GIGYF2: variants seen among roughly 807,000 people sequenced by gnomAD.
GIGYF2 encodes GRB10-interacting GYF protein 2.
Under a neutral mutation model 208.1 loss-of-function variants are expected in GIGYF2, and 25 were observed. That is an observed-to-expected ratio of 0.12 (90% CI 0.09 to 0.17). The LOEUF is 0.17. GIGYF2 is among the 10% of genes least tolerant of loss of function. GIGYF2 has a pLI of 1.00. For missense variants in GIGYF2, 1,302 were observed against 1,579.4 expected (o/e 0.82, Z 2.98); for synonymous variants, 534 against 543.8 (o/e 0.98, Z 0.25).
chr2:232,843,779 AGTGT>A (rs1275548191), intron 23 of GIGYF2, among the ~76,000 whole-genome samples: 1 of 152,184 alleles, frequency 6.6e-6, no homozygotes, highest in African/African-American at 2.4e-5. Flanking sequence ...GTGGGCTGAG[AGTGT>A]GCCACTGCAC....
At chr2:232,706,773 C>G (rs1404183766) in intron 2 of GIGYF2, among the ~76,000 whole-genome samples, 1 of 151,624 alleles carries the variant, frequency 6.6e-6, no homozygotes, top group Non-Finnish European at 1.5e-5. Context: ...GAGCAAGACT[C>G]TGTCTCAAAA....
intron 2 of GIGYF2, among the ~76,000 whole-genome samples, chr2:232,714,003 G>C (rs1034324546): frequency 2.0e-5 from 3 of 147,676 alleles, no homozygotes; most frequent in African/African-American, 7.5e-5. Context: ...AGGCTGGAGT[G>C]TAGTGGTGCG....
intron 8 of GIGYF2, among the ~76,000 whole-genome samples, chr2:232,782,164 C>A (rs1559427627): frequency 6.6e-6 from 1 of 152,086 alleles, no homozygotes; most frequent in Non-Finnish European, 1.5e-5. Flanking sequence ...TTGAGTAAAA[C>A]AAACAAGCAA....
chr2:232,817,941 C>G (rs775726828), intron 20 of GIGYF2, among the ~76,000 whole-genome samples: 1 of 152,248 alleles, frequency 6.6e-6, no homozygotes, highest in South Asian at 2.1e-4. Flanking sequence ...GAAGAACTGC[C>G]GTATTGTTTC....
intron 15 of GIGYF2, among the ~76,000 whole-genome samples, chr2:232,808,399 C>T (rs1574908872): frequency 6.6e-6 from 1 of 152,326 alleles, no homozygotes; most frequent in African/African-American, 2.4e-5. Flanking sequence ...GAGCCTCAGT[C>T]ATACCTGCAT....
chr2:232,850,447 G>A (rs1426339825), intron 28 of GIGYF2, 38 bp downstream of exon 28: 2 of 1,582,620 alleles, frequency 1.3e-6, no homozygotes, highest in Non-Finnish European at 1.7e-6. Flanking sequence ...TGTTGGAGGA[G>A]TGCAGGTGAT....
intron 12 of GIGYF2, among the ~76,000 whole-genome samples, chr2:232,792,454 T>A (rs979275326): frequency 2.0e-5 from 3 of 152,178 alleles, no homozygotes; most frequent in African/African-American, 7.2e-5. Flanking sequence ...GAGATGGGAT[T>A]AACTGGGTGT....
intron 3 of GIGYF2, among the ~76,000 whole-genome samples, chr2:232,742,994 C>T (rs1252833707): frequency 3.3e-5 from 5 of 152,158 alleles, no homozygotes; most frequent in African/African-American, 4.8e-5. Flanking sequence ...CCTTTTGACT[C>T]CCACACCTTC....
intron 18 of GIGYF2, among the ~76,000 whole-genome samples, chr2:232,814,316 A>G (rs1700836240): frequency 6.6e-6 from 1 of 151,956 alleles, no homozygotes; most frequent in Non-Finnish European, 1.5e-5. Context: ...TAATCCCAGC[A>G]CTTTGGGAGG....
intron 20 of GIGYF2, among the ~76,000 whole-genome samples, chr2:232,818,898 G>C (rs1249877004): frequency 6.6e-6 from 1 of 152,160 alleles, no homozygotes; most frequent in African/African-American, 2.4e-5. Context: ...GTGTTCGAAT[G>C]AAAGTCCTTG....
intron 14 of GIGYF2, among the ~76,000 whole-genome samples, chr2:232,800,514 A>T (rs568714369): frequency 2.0e-5 from 3 of 150,950 alleles, no homozygotes. Context: ...CACTGTTTTG[A>T]TTACTCTATC....
chr2:232,789,816 T>A (rs1453111199), intron 9 of GIGYF2, among the ~76,000 whole-genome samples: 5 of 152,136 alleles, frequency 3.3e-5, no homozygotes, highest in Non-Finnish European at 7.3e-5. Flanking sequence ...TCTGTCAGAT[T>A]TTAGCAAGAG....
rs1012872310 is a variant in GIGYF2 at position 232,857,097 on chromosome 2, T to C, written c.*237T>C. ...GACCCTGTGTCTTGGGGGTGGCAGTTGGGATTACTCCCCAACAAGGCTGAT... is the reference window on the plus strand; with the variant it reads ...GACCCTGTGTCTTGGGGGTGGCAGTCGGGATTACTCCCCAACAAGGCTGAT... On this transcript the variant is annotated 3_prime_UTR_variant, in exon 29 of 29. Coordinates refer to ENST00000373563, the MANE Select transcript of GIGYF2 (RefSeq NM_001103146.3). 1.0e-5 allele frequency: 6 copies of C among 576,954 alleles called. No homozygotes were observed. Among genetic ancestry groups the C allele is most frequent in the Non-Finnish European group, 1.9e-5 (6 of 321,862 alleles). The allele number at this position is 576,954 out of a possible 1,614,324, so 35.7% of individuals were successfully genotyped here. A position where few individuals can be genotyped will look rare whatever the true frequency, so the allele number is the denominator to read the frequency against.
At chr2:232,767,951 A>G (rs1317953017) in intron 8 of GIGYF2, 7 of 516,142 alleles carry the variant, frequency 1.4e-5, no homozygotes, top group East Asian at 3.5e-5. Context: ...ACATTTCTGT[A>G]TAAGTGTCTG....
At position 232,768,832 on chromosome 2, in the gene GIGYF2, A is replaced by AT. The variant is rs564583458; in HGVS notation, c.532+7405dup. 1.1e-3 allele frequency: 1,683 copies of AT among 1,581,768 alleles called. 11 individuals carry two copies. In the African/African-American group the frequency reaches 0.015, roughly 14 times the overall value. ...AAAGCACCTAAATAAGAAATTATTG[A>AT]TTTTTTTTTAGAATGAAGACTTTAA... On this transcript the variant is annotated intron_variant, in intron 8 of 28. Transcript: ENST00000373563.
chr2:232,714,639 T>C lies in GIGYF2; in HGVS notation c.-44+11150T>C, dbSNP rs1228817802. ...TGTAACTGTTACTGTAATCAAGATA[T>C]GTAACATTTTCATTATCCCCAGAAG... On this transcript the variant is annotated intron_variant, in intron 2 of 28. Transcript: ENST00000373563. 2.0e-5 allele frequency among the ~76,000 whole-genome samples: 3 copies of C among 152,182 alleles called. No individual in the cohort carries two copies. The East Asian group carries it at 5.8e-4, about 29-fold the overall frequency.
At chr2:232,714,851 T>C (rs1696605788) in intron 2 of GIGYF2, among the ~76,000 whole-genome samples, 1 of 152,144 alleles carries the variant, frequency 6.6e-6, no homozygotes, top group African/African-American at 2.4e-5. Context: ...ATTTGTTACA[T>C]AGGTAAATGT....
intron 4 of GIGYF2, among the ~76,000 whole-genome samples, chr2:232,748,121 G>A (rs186351381): frequency 1.3e-5 from 2 of 152,134 alleles, no homozygotes; most frequent in Non-Finnish European, 2.9e-5. Context: ...CCAACAGGAG[G>A]AGCACCTTCG....
At chr2:232,790,957 A>T in intron 10 of GIGYF2, 42 bp downstream of exon 10, 1 of 1,612,798 alleles carries the variant, frequency 6.2e-7, no homozygotes, top group Non-Finnish European at 8.5e-7. Context: ...CATTAACCTT[A>T]TACCAAAGCC....
Sources: gnomAD v4.1 joint callset for allele counts (sites outside exome capture counted in the v4.1 genomes callset) on GRCh38, gnomAD v4.1.1 for gene constraint, MANE v1.5 for transcripts, NCBI Gene and HGNC (gene_info 2026-07-23, HGNC 2026-07-21) for gene names.